ANKDD1B: variants seen among roughly 807,000 people sequenced by gnomAD.
The protein encoded by ANKDD1B is ankyrin repeat and death domain-containing protein 1B.
Under a neutral mutation model 59.7 loss-of-function variants are expected in ANKDD1B, and 57 were observed. The ratio of observed to expected loss-of-function variants is 0.95; its 90% confidence interval spans 0.77 to 1.19. The LOEUF is 1.19. Ranked by LOEUF, ANKDD1B falls within the 50% of genes most tolerant of loss-of-function variation. ANKDD1B has a pLI of 0.00. For synonymous variants in ANKDD1B, 216 were observed against 239.5 expected, an observed-to-expected ratio of 0.90 and a Z score of 0.91; for missense variants, 602 against 641.9, an observed-to-expected ratio of 0.94 and a Z score of 0.67.
chr5:75,653,959 G>C (rs756934751), intron 8 of ANKDD1B, among the ~76,000 whole-genome samples: 6 of 152,254 alleles, frequency 3.9e-5, no homozygotes, highest in African/African-American at 1.2e-4. Flanking sequence ...CCTGCAAGGT[G>C]GGTGGCCCCG....
intron 9 of ANKDD1B, among the ~76,000 whole-genome samples, chr5:75,658,374 A>G (rs2112012506): frequency 6.6e-6 from 1 of 152,174 alleles, no homozygotes; most frequent in Non-Finnish European, 1.5e-5. Context: ...ACATCAAAGG[A>G]TCCTCTCTGC....
rs143817463 is a variant in ANKDD1B at position 75,656,048 on chromosome 5, A to G, written c.917A>G (p.His306Arg). Residue 306 changes from histidine to arginine, a missense_variant, in exon 9 of 14, where the codon CAT (histidine) becomes CGT (arginine). Transcript: ENST00000601380. ...QKVEPKESPLHLVVINNHITV... is the reference protein window; with the variant it reads ...QKVEPKESPLRLVVINNHITV... ...CTGCAGCCTAAGGAGTCCCCTCTTC[A>G]TTTAGTTGTTATCAACAACCACATC... is the stretch of plus-strand genomic sequence containing the variant. The G allele has an allele frequency of 6.6e-7, 1 of 1,506,636 alleles. No individual in the cohort carries two copies. The highest frequency in any genetic ancestry group is 1.4e-5 in the African/African-American group (1 of 72,440). The allele number at this position is 1,506,636 out of a possible 1,614,324, so 93.3% of individuals were successfully genotyped here.
At chr5:75,628,562 T>G (rs1774052710) in intron 5 of ANKDD1B, among the ~76,000 whole-genome samples, 1 of 152,184 alleles carries the variant, frequency 6.6e-6, no homozygotes, top group Non-Finnish European at 1.5e-5. Flanking sequence ...GTTACTCTCT[T>G]GCCTAGTTTC....
intron 10 of ANKDD1B, among the ~76,000 whole-genome samples, chr5:75,659,746 A>C (rs904843545): frequency 2.0e-5 from 3 of 152,094 alleles, no homozygotes; most frequent in African/African-American, 7.2e-5. Flanking sequence ...ATTATAAATT[A>C]TTTCTGTTCC....
chr5:75,611,479 G>C lies in ANKDD1B; in HGVS notation c.-156G>C, dbSNP rs1186102412. ...TTGCCCAGCGAACCGCCACAACAGA[G>C]AGCGGACTCGATCCTGCGCTCCGGC... On this transcript the variant is annotated 5_prime_UTR_variant, in exon 1 of 14. Transcript: ENST00000601380. 6.2e-6 allele frequency: 3 copies of C among 484,640 alleles called. No homozygotes were observed. The highest frequency in any genetic ancestry group is 4.4e-5 in the Admixed American group (1 of 22,814). The allele number at this position is 484,640 out of a possible 1,614,324, so 30.0% of individuals were successfully genotyped here. A position where few individuals can be genotyped will look rare whatever the true frequency, so the allele number is the denominator to read the frequency against.
chr5:75,661,239 A>C (rs1561450118), intron 10 of ANKDD1B, among the ~76,000 whole-genome samples: 1 of 151,722 alleles, frequency 6.6e-6, no homozygotes, highest in African/African-American at 2.4e-5. Context: ...TCTACTAAAA[A>C]TACACAAATC....
chr5:75,613,021 G>T (rs1454043474), intron 1 of ANKDD1B, among the ~76,000 whole-genome samples: 1 of 152,236 alleles, frequency 6.6e-6, no homozygotes, highest in East Asian at 1.9e-4. Flanking sequence ...GTTACATGGA[G>T]TGTGTGTTCC....
chr5:75,662,454 T>C (rs182289201), intron 10 of ANKDD1B, among the ~76,000 whole-genome samples: 1 of 152,276 alleles, frequency 6.6e-6, no homozygotes, highest in East Asian at 1.9e-4. Flanking sequence ...TTGGGATATA[T>C]TTCTGGATCC....
intron 7 of ANKDD1B, among the ~76,000 whole-genome samples, chr5:75,651,494 G>A (rs1359622114): frequency 2.0e-5 from 3 of 152,208 alleles, no homozygotes; most frequent in Non-Finnish European, 2.9e-5. Context: ...AAGGAGAGGC[G>A]CTGAAAGGGC....
chr5:75,663,036 AAAG>A (rs1242773812), intron 10 of ANKDD1B, among the ~76,000 whole-genome samples: 1 of 152,170 alleles, frequency 6.6e-6, no homozygotes. Flanking sequence ...AGGGAGAAGA[AAAG>A]AAGGAAAATG....
chr5:75,665,236 C>G (rs114155404), intron 11 of ANKDD1B, among the ~76,000 whole-genome samples: 167 of 152,336 alleles, frequency 1.1e-3, no homozygotes, highest in African/African-American at 4.0e-3. Context: ...TGAAAAAGAC[C>G]TAGGCTTTCC....
rs1389684011 is a variant in ANKDD1B, at chr5:75,634,630, ACCTCTCCT to A, written c.601-267_601-260del. 6 of 302,610 alleles carry A rather than the reference ACCTCTCCT, an allele frequency of 2.0e-5. No homozygotes were observed. In the East Asian group the frequency reaches 3.2e-4, roughly 16 times the overall value. The allele number at this position is 302,610 out of a possible 1,614,324, so 18.7% of individuals were successfully genotyped here. A position where few individuals can be genotyped will look rare whatever the true frequency, so the allele number is the denominator to read the frequency against. ...TCTTGTCATCTGACTGTGATGTTGC[ACCTCTCCT>A]GATGCTTGAGAGGACCTTTTCTGAA... On this transcript the variant is annotated intron_variant, in intron 5 of 13. Coordinates refer to ENST00000601380, the MANE Select transcript of ANKDD1B (RefSeq NM_001276713.2).
At chr5:75,636,444 G>A (rs1401451167) in intron 7 of ANKDD1B, among the ~76,000 whole-genome samples, 1 of 152,186 alleles carries the variant, frequency 6.6e-6, no homozygotes, top group Non-Finnish European at 1.5e-5. Flanking sequence ...GAGGATAGGA[G>A]TGCTGGGAAA....
Position 75,634,885 on chromosome 5 carries a change from G to T in ANKDD1B, c.601-13G>T. Reference sequence around the variant, plus strand: ...ACTGTAATAAATGCTTGAGGTTTGTGATTGATTTTTAGAAAGGAAGAAAAC... The same window carrying T: ...ACTGTAATAAATGCTTGAGGTTTGTTATTGATTTTTAGAAAGGAAGAAAAC... On this transcript the variant is annotated splice_polypyrimidine_tract_variant and intron_variant, in intron 5 of 13. Coordinates refer to ENST00000601380, the MANE Select transcript of ANKDD1B (RefSeq NM_001276713.2). 6.7e-7 allele frequency: 1 copy of T among 1,486,504 alleles called. No homozygotes were observed. Among genetic ancestry groups the T allele is most frequent in the East Asian group, 2.5e-5 (1 of 40,658 alleles). The allele number at this position is 1,486,504 out of a possible 1,614,324, so 92.1% of individuals were successfully genotyped here.
intron 5 of ANKDD1B, among the ~76,000 whole-genome samples, chr5:75,626,382 TA>T (rs1018093005): frequency 6.6e-6 from 1 of 152,188 alleles, no homozygotes; most frequent in African/African-American, 2.4e-5. Context: ...TTTCTTTACA[TA>T]AGGAGATATA....
chr5:75,648,199 A>G (rs1211156927), intron 7 of ANKDD1B, among the ~76,000 whole-genome samples: 3 of 120,466 alleles, frequency 2.5e-5, no homozygotes, highest in Admixed American at 1.7e-4. Context: ...ACATGTATAC[A>G]TATGTAACTA....
rs964305500 is a variant in ANKDD1B at position 75,671,669 on chromosome 5, C to A, written c.*629C>A. Reference sequence around the variant, plus strand: ...ATCACACATTTTGTGTAATATATTACTTAGGAAAGACCAGAAGTATGTACA... The same window carrying A: ...ATCACACATTTTGTGTAATATATTAATTAGGAAAGACCAGAAGTATGTACA... On this transcript the variant is annotated 3_prime_UTR_variant, in exon 14 of 14. Coordinates refer to ENST00000601380, the MANE Select transcript of ANKDD1B (RefSeq NM_001276713.2). The A allele has an allele frequency of 6.6e-6, 1 of 150,498 alleles. No homozygotes were observed. The highest frequency in any genetic ancestry group is 1.5e-5 in the Non-Finnish European group (1 of 67,762). The allele number at this position is 150,498 out of a possible 1,614,324, so 9.3% of individuals were successfully genotyped here. A position where few individuals can be genotyped will look rare whatever the true frequency, so the allele number is the denominator to read the frequency against.
At chr5:75,616,676 C>T in intron 1 of ANKDD1B, 128 bp from the exon 2 acceptor site, 1 of 492,058 alleles carries the variant, frequency 2.0e-6, no homozygotes, top group South Asian at 4.0e-5. Flanking sequence ...GCGAAGTTCC[C>T]ATGTCTTAAA....
chr5:75,612,739 G>A (rs1234001931), intron 1 of ANKDD1B, among the ~76,000 whole-genome samples: 1 of 152,146 alleles, frequency 6.6e-6, no homozygotes, highest in Non-Finnish European at 1.5e-5. Context: ...TTTAAGGTAA[G>A]TGCAGTGAAG....
Sources: allele counts gnomAD v4.1 joint callset (sites outside exome capture counted in the v4.1 genomes callset), GRCh38; gene constraint gnomAD v4.1.1; transcripts MANE v1.5; gene names NCBI Gene and HGNC (gene_info 2026-07-23, HGNC 2026-07-21).